Variants in PAK4 observed in about 807,000 individuals in gnomAD.
PAK4 encodes p21 (RAC1) activated kinase 4.
PAK4 carries 49 observed loss-of-function variants against 53.5 expected under a neutral mutation model. The ratio of observed to expected loss-of-function variants is 0.92; its 90% CI spans 0.73 to 1.16. PAK4 has a LOEUF of 1.16. PAK4 is among the 50% of genes most tolerant of loss of function. The pLI is 0.00. For missense variants in PAK4, 824 were observed against 850.7 expected (o/e 0.97, Z 0.39); for synonymous variants, 376 against 375.6 (o/e 1.00, Z -0.01).
intron 2 of PAK4, among the ~76,000 whole-genome samples, chr19:39,172,347 G>A (rs1245378539): frequency 1.3e-5 from 2 of 152,178 alleles, no homozygotes; most frequent in Non-Finnish European, 2.9e-5. Flanking sequence ...TGGATGCTCT[G>A]CCTGGTCCCC....
At chr19:39,141,992 T>TTG (rs2073918654) in intron 1 of PAK4, among the ~76,000 whole-genome samples, 1 of 152,174 alleles carries the variant, frequency 6.6e-6, no homozygotes, top group Non-Finnish European at 1.5e-5. Flanking sequence ...CTCTTTTTTT[T>TTG]GTTTTGTTTT....
At chr19:39,155,648 T>C (rs1008790072) in intron 1 of PAK4, among the ~76,000 whole-genome samples, 1 of 152,106 alleles carries the variant, frequency 6.6e-6, no homozygotes, top group African/African-American at 2.4e-5. Flanking sequence ...CTGTGGAGCA[T>C]CTTTTTCTTC....
At chr19:39,152,463 A>G (rs1382580209) in intron 1 of PAK4, 6 of 152,236 alleles carry the variant, frequency 3.9e-5, no homozygotes, top group African/African-American at 7.2e-5. Context: ...GGATATGCCA[A>G]AGAGAAGCTG....
At chr19:39,162,162 T>C (rs1304820336) in intron 1 of PAK4, among the ~76,000 whole-genome samples, 1 of 151,216 alleles carries the variant, frequency 6.6e-6, no homozygotes, top group Non-Finnish European at 1.5e-5. Flanking sequence ...GATTTCACCA[T>C]GTTGGCCAGG....
Position 39,175,087 on chromosome 19 carries a change from C to G in PAK4, c.1232+23C>G, listed in dbSNP as rs745644037. The G allele has an allele frequency of 3.1e-6, 5 of 1,591,758 alleles. No homozygotes were observed. Among genetic ancestry groups the G allele is most frequent in the Non-Finnish European group, 4.3e-6 (5 of 1,168,556 alleles). Reference sequence around the variant, plus strand: ...CAGGTATTTCTGGGGCCTCAGACCCCTCCTGTGACACGACCAAGTCCCCTC... The same window carrying G: ...CAGGTATTTCTGGGGCCTCAGACCCGTCCTGTGACACGACCAAGTCCCCTC... On this transcript the variant is annotated intron_variant, in intron 5 of 8. Coordinates refer to ENST00000358301, the Ensembl canonical transcript of PAK4. This position sits in a 1 kb window ranked among gnomAD's most constrained non-coding sequence, Gnocchi z 4.7.
chr19:39,147,954 CTTT>C (rs60141249), intron 1 of PAK4, among the ~76,000 whole-genome samples: 44 of 111,784 alleles, frequency 3.9e-4, no homozygotes, highest in Admixed American at 5.0e-4. Flanking sequence ...TATTCTCTCT[CTTT>C]TTTTTTTTTT....
intron 1 of PAK4, among the ~76,000 whole-genome samples, chr19:39,142,599 C>T (rs944664038): frequency 3.9e-5 from 6 of 152,148 alleles, no homozygotes; most frequent in South Asian, 2.1e-4. Context: ...CTGGGTGCCC[C>T]GGCTTCAAGT....
intron 1 of PAK4, chr19:39,152,486 T>C (rs2074108819): frequency 1.3e-5 from 2 of 152,138 alleles, no homozygotes; most frequent in Non-Finnish European, 2.9e-5. Context: ...AAGTGCTTCC[T>C]TTAAGTGAAA....
chr19:39,159,051 G>A lies in PAK4; in HGVS notation c.-22-10481G>A, dbSNP rs114716779. On this transcript the variant is annotated intron_variant, in intron 1 of 8. Transcript: ENST00000358301. The stretch of plus-strand genomic sequence containing the variant: ...TTTACATGTGTCGTCTTATTCGCTC[G>A]TCCAACATGCTCAGGAGGTAGGGAC... Among the ~76,000 whole-genome samples, 742 of 152,268 alleles carry A rather than the reference G, an allele frequency of 4.9e-3. 6 individuals carry two copies. Among genetic ancestry groups the A allele is most frequent in the African/African-American group, 0.016 (680 of 41,546 alleles).
chr19:39,158,120 AGTGC>A (rs1220559980), intron 1 of PAK4, among the ~76,000 whole-genome samples: 4 of 147,420 alleles, frequency 2.7e-5, no homozygotes, highest in South Asian at 2.2e-4. Context: ...GCATTGTGTG[AGTGC>A]GTGCGTGCAT....
At chr19:39,144,907 A>G (rs2073975196) in intron 1 of PAK4, among the ~76,000 whole-genome samples, 1 of 152,192 alleles carries the variant, frequency 6.6e-6, no homozygotes, top group Admixed American at 6.5e-5. Context: ...TTTTTCCTGC[A>G]TGGTGGTGTA....
chr19:39,175,232 A>G lies in PAK4; in HGVS notation c.1233-80A>G. 1.3e-6 allele frequency: 2 copies of G among 1,489,944 alleles called. No homozygotes were observed. The highest frequency in any genetic ancestry group is 1.8e-6 in the Non-Finnish European group (2 of 1,100,384). The allele number at this position is 1,489,944 out of a possible 1,614,324, so 92.3% of individuals were successfully genotyped here. A position where few individuals can be genotyped will look rare whatever the true frequency, so the allele number is the denominator to read the frequency against. The stretch of plus-strand genomic sequence containing the variant: ...GGTCGAGTGGTCTCAGATTCCTCCC[A>G]CTGCAAGGCAGGGCTGCGTCCCCCT... On this transcript the variant is annotated intron_variant, in intron 5 of 8. Transcript: ENST00000358301. The surrounding 1 kb of genome is among the most constrained non-coding windows in gnomAD (Gnocchi z 4.7).
chr19:39,154,868 C>A (rs2074151055), intron 1 of PAK4, among the ~76,000 whole-genome samples: 1 of 151,910 alleles, frequency 6.6e-6, no homozygotes, highest in South Asian at 2.1e-4. Context: ...CCTAGACCTG[C>A]CCTGCTGTGG....
intron 1 of PAK4, among the ~76,000 whole-genome samples, chr19:39,165,515 A>AAAATAAATAAATAAAT (rs57100878): frequency 0.026 from 3,509 of 135,000 alleles, 82 homozygotes; most frequent in East Asian, 0.11. Flanking sequence ...ACTCCCTCTC[A>AAAATAAATAAATAAAT]AAATAAATAA....
chr19:39,151,605 C>G (rs1193395624), intron 1 of PAK4, among the ~76,000 whole-genome samples: 2 of 152,228 alleles, frequency 1.3e-5, no homozygotes, highest in African/African-American at 2.4e-5. Context: ...CATCACGGTC[C>G]TTCCACACAG....
chr19:39,133,419 C>T (rs1459514640), intron 1 of PAK4, among the ~76,000 whole-genome samples: 8 of 152,158 alleles, frequency 5.3e-5, no homozygotes, highest in Admixed American at 5.2e-4. Context: ...CCATCAACTC[C>T]AAGACACACG....
intron 1 of PAK4, among the ~76,000 whole-genome samples, chr19:39,139,110 C>CGTCCCTCCCCACTTTCCTGCAGCACCCCA (rs1211391533): frequency 1.3e-5 from 2 of 152,164 alleles, no homozygotes; most frequent in Non-Finnish European, 2.9e-5. Flanking sequence ...TGGCAGGGCC[C>CGTCCCTCCCCACTTTCCTGCAGCACCCCA]GTCCCTCCCC....
chr19:39,133,087 C>T (rs1049189437), intron 1 of PAK4, among the ~76,000 whole-genome samples: 2 of 152,204 alleles, frequency 1.3e-5, no homozygotes, highest in Non-Finnish European at 1.5e-5. Flanking sequence ...ACCCATCTGA[C>T]ACAGAAGAGG....
chr19:39,128,065 G>C (rs986799477), intron 1 of PAK4, among the ~76,000 whole-genome samples: 5 of 152,114 alleles, frequency 3.3e-5, no homozygotes, highest in African/African-American at 1.2e-4. Flanking sequence ...TTGATGGAGC[G>C]TGATTCAGAA....
Sources: gnomAD v4.1 joint callset for allele counts (sites outside exome capture counted in the v4.1 genomes callset) on GRCh38, gnomAD v4.1.1 for gene constraint, Gnocchi (gnomAD v3.1) non-coding constraint, MANE v1.5 for transcripts, NCBI Gene and HGNC (gene_info 2026-07-23, HGNC 2026-07-21) for gene names.